ORC2: variants seen among roughly 807,000 people sequenced by gnomAD.
The protein encoded by ORC2 is origin recognition complex protein 2 homolog.
ORC2 carries 37 observed loss-of-function variants against 77.7 expected under a neutral mutation model. That is an observed-to-expected ratio of 0.48 (90% CI 0.37 to 0.63). The LOEUF (loss-of-function observed/expected upper bound fraction) is 0.63. Among genes scored for constraint, ORC2 ranks in the 20% least tolerant of loss-of-function variants. ORC2 has a pLI of 0.00. For missense variants in ORC2, 557 were observed against 661.9 expected (o/e 0.84, Z 1.74); for synonymous variants, 201 against 229.5 (o/e 0.88, Z 1.12).
chr2:200,952,090 C>T (rs1243637370), intron 4 of ORC2, among the ~76,000 whole-genome samples: 1 of 151,986 alleles, frequency 6.6e-6, no homozygotes, highest in Admixed American at 6.6e-5. Context: ...TCACCATTTA[C>T]TGACCAGTTC....
intron 16 of ORC2, 87 bp downstream of exon 16, chr2:200,913,844 C>A (rs545257311): frequency 6.8e-7 from 1 of 1,476,650 alleles, no homozygotes; most frequent in Admixed American, 2.8e-5. Context: ...CTGTGAAAAA[C>A]TGCACTGCTG....
Position 200,924,214 on chromosome 2 carries a change from A to G in ORC2, c.1147+1622T>C, listed in dbSNP as rs753349437. 5.9e-5 allele frequency among the ~76,000 whole-genome samples: 9 copies of G among 152,146 alleles called. No homozygotes were observed. In the South Asian group the frequency reaches 1.7e-3, roughly 28 times the overall value. ...AATTTTAACAATAGCCAGGCAGGTG[A>G]TATGTGCCTGTAGTCCCAGCTAATG... On this transcript the variant is annotated intron_variant, in intron 13 of 17. Coordinates refer to ENST00000234296, the MANE Select transcript of ORC2 (RefSeq NM_006190.5).
chr2:200,914,368 G>T (rs978850096), intron 15 of ORC2, among the ~76,000 whole-genome samples: 1 of 151,934 alleles, frequency 6.6e-6, no homozygotes, highest in Non-Finnish European at 1.5e-5. Context: ...GGGTTTCACC[G>T]TGTTAGCCAG....
chr2:200,912,369 A>T (rs2040565482), intron 17 of ORC2, among the ~76,000 whole-genome samples: 1 of 152,154 alleles, frequency 6.6e-6, no homozygotes, highest in Non-Finnish European at 1.5e-5. Context: ...ACTGATTAAG[A>T]TCATGAACTC....
intron 5 of ORC2, among the ~76,000 whole-genome samples, chr2:200,943,805 T>G (rs943234325): frequency 6.6e-6 from 1 of 152,052 alleles, no homozygotes; most frequent in Non-Finnish European, 1.5e-5. Context: ...ACTAAGTTTT[T>G]TTTTTTTTTT....
chr2:200,928,038 TA>T (rs869195693), intron 11 of ORC2, among the ~76,000 whole-genome samples: 38 of 139,858 alleles, frequency 2.7e-4, no homozygotes, highest in South Asian at 4.9e-4. Context: ...TCTTCCTTCC[TA>T]AAAAAAAAAA....
chr2:200,955,821 G>C (rs963021557), intron 4 of ORC2, among the ~76,000 whole-genome samples: 6 of 152,170 alleles, frequency 3.9e-5, no homozygotes, highest in African/African-American at 1.2e-4. Flanking sequence ...GTGGGGATCT[G>C]TGTTCCTTGT....
intron 15 of ORC2, among the ~76,000 whole-genome samples, 173 bp from the exon 16 acceptor site, chr2:200,914,165 C>CTTT (rs1158874227): frequency 3.0e-5 from 4 of 134,854 alleles, no homozygotes; most frequent in Non-Finnish European, 4.8e-5. Context: ...TTTCTAATTT[C>CTTT]TTTTTTTTTT....
At chr2:200,916,993 CTTTTTT>C (rs1165127308) in intron 15 of ORC2, among the ~76,000 whole-genome samples, 1 of 105,600 alleles carries the variant, frequency 9.5e-6, no homozygotes, top group African/African-American at 4.0e-5. Flanking sequence ...TGTGCCCCAC[CTTTTTT>C]TTTTTTTTTT....
At chr2:200,915,836 G>A (rs2040639464) in intron 15 of ORC2, among the ~76,000 whole-genome samples, 2 of 151,986 alleles carry the variant, frequency 1.3e-5, no homozygotes. Flanking sequence ...TGCGATTACA[G>A]GTGGACACCA....
At chr2:200,960,421 CCTCTTGGGCCATTTTT>C (rs1372088803) in intron 1 of ORC2, among the ~76,000 whole-genome samples, 1 of 152,054 alleles carries the variant, frequency 6.6e-6, no homozygotes, top group Non-Finnish European at 1.5e-5. Context: ...TAAAACATGT[CCTCTTGGGCCATTTTT>C]CTAGTCATAA....
chr2:200,915,964 G>A (rs544228215), intron 15 of ORC2, among the ~76,000 whole-genome samples: 1 of 152,170 alleles, frequency 6.6e-6, no homozygotes, highest in South Asian at 2.1e-4. Flanking sequence ...CAAAGTGCTA[G>A]GATTATAGGA....
At chr2:200,922,687 A>G (rs2040780380) in intron 13 of ORC2, among the ~76,000 whole-genome samples, 1 of 152,168 alleles carries the variant, frequency 6.6e-6, no homozygotes, top group African/African-American at 2.4e-5. Flanking sequence ...TCTAGACGTC[A>G]TCATATTTAA....
intron 16 of ORC2, 87 bp from the exon 17 acceptor site, chr2:200,913,500 AG>A: frequency 6.9e-7 from 1 of 1,442,150 alleles, no homozygotes; most frequent in Non-Finnish European, 9.2e-7. Context: ...ACAGAATAAA[AG>A]TGCTATTTGC....
intron 16 of ORC2, chr2:200,913,711 G>C (rs957451197): frequency 5.2e-6 from 7 of 1,356,002 alleles, no homozygotes; most frequent in African/African-American, 1.5e-5. Flanking sequence ...AATTTTAAAA[G>C]TAAGCTGGGT....
chr2:200,956,972 T>G (rs560149300), intron 4 of ORC2, among the ~76,000 whole-genome samples: 3 of 151,726 alleles, frequency 2.0e-5, no homozygotes, highest in East Asian at 3.9e-4. Context: ...TGAGAACACA[T>G]GGACACAGGG....
Position 200,909,043 on chromosome 2 carries a change from G to C in ORC2, c.*2258C>G, listed in dbSNP as rs1201151385. The C allele has an allele frequency of 6.6e-6, 1 of 152,058 alleles. No individual in the cohort carries two copies. Among genetic ancestry groups the C allele is most frequent in the Non-Finnish European group, 1.5e-5 (1 of 68,018 alleles). The allele number at this position is 152,058 out of a possible 1,614,324, so 9.4% of individuals were successfully genotyped here. ...TAAAGTCTACTGACACATACTGCTT[G>C]CAAATAGTATAGACACAAAAATTAT... is the stretch of plus-strand genomic sequence containing the variant. On this transcript the variant is annotated 3_prime_UTR_variant, in exon 18 of 18. Coordinates refer to ENST00000234296, the MANE Select transcript of ORC2 (RefSeq NM_006190.5).
At chr2:200,937,522 A>G (rs1464455351) in intron 8 of ORC2, among the ~76,000 whole-genome samples, 1 of 152,200 alleles carries the variant, frequency 6.6e-6, no homozygotes, top group Non-Finnish European at 1.5e-5. Context: ...CATTTGCCTC[A>G]AAGTTCAATA....
chr2:200,918,166 A>G (rs1018053239), intron 15 of ORC2, among the ~76,000 whole-genome samples: 6 of 152,224 alleles, frequency 3.9e-5, no homozygotes, highest in African/African-American at 1.4e-4. Context: ...GACAATATAT[A>G]TCGTCACACT....
Sources: gnomAD v4.1 joint callset for allele counts (sites outside exome capture counted in the v4.1 genomes callset) on GRCh38, gnomAD v4.1.1 for gene constraint, MANE v1.5 for transcripts, NCBI Gene and HGNC (gene_info 2026-07-23, HGNC 2026-07-21) for gene names.